Variants in EYA1 observed in about 807,000 individuals in gnomAD.
EYA1 encodes the protein protein phosphatase EYA1.
Under a neutral mutation model 82.0 loss-of-function variants are expected in EYA1, and 16 were observed. The ratio of observed to expected loss-of-function variants is 0.20; its 90% confidence interval spans 0.13 to 0.30. The LOEUF is 0.30. Among genes scored for constraint, EYA1 ranks in the 10% least tolerant of loss-of-function variants. The pLI, the probability that EYA1 is intolerant of heterozygous loss-of-function variation, is 1.00. For missense variants in EYA1, 633 were observed against 730.7 expected (o/e 0.87, Z 1.54); for synonymous variants, 261 against 264.4 (o/e 0.99, Z 0.12).
intron 2 of EYA1, among the ~76,000 whole-genome samples, chr8:71,400,659 G>A (rs1218020462): frequency 6.6e-6 from 1 of 152,164 alleles, no homozygotes; most frequent in Non-Finnish European, 1.5e-5. Flanking sequence ...AGGCTGTGGA[G>A]CAATAGGAAT....
chr8:71,213,353 G>T (rs1458405844), intron 16 of EYA1, among the ~76,000 whole-genome samples: 2 of 152,108 alleles, frequency 1.3e-5, no homozygotes, highest in African/African-American at 2.4e-5. Context: ...TCTGTACTAT[G>T]GGCTGCTTCG....
intron 2 of EYA1, among the ~76,000 whole-genome samples, chr8:71,481,954 T>C (rs1274556952): frequency 2.0e-5 from 3 of 152,186 alleles, no homozygotes; most frequent in African/African-American, 4.8e-5. Flanking sequence ...TTCCATTCTG[T>C]AACTTTTCTG....
At chr8:71,281,943 C>A (rs563890713) in intron 9 of EYA1, among the ~76,000 whole-genome samples, 1 of 152,308 alleles carries the variant, frequency 6.6e-6, no homozygotes, top group East Asian at 1.9e-4. Flanking sequence ...TGGTCCATGA[C>A]CTTGTAGAAT....
intron 12 of EYA1, among the ~76,000 whole-genome samples, chr8:71,241,974 C>T (rs1230147192): frequency 6.6e-6 from 1 of 152,032 alleles, no homozygotes; most frequent in African/African-American, 2.4e-5. Context: ...GGTGGGTGGC[C>T]GAGGCAGGTG....
chr8:71,512,191 T>C (rs1812649873), intron 2 of EYA1, among the ~76,000 whole-genome samples: 1 of 152,214 alleles, frequency 6.6e-6, no homozygotes, highest in African/African-American at 2.4e-5. Flanking sequence ...AATCACTAGC[T>C]TCTCCATAAT....
intron 2 of EYA1, among the ~76,000 whole-genome samples, chr8:71,478,074 T>G (rs891728878): frequency 6.6e-6 from 1 of 152,130 alleles, no homozygotes; most frequent in Non-Finnish European, 1.5e-5. Context: ...GATGATAATA[T>G]TCTAGAATTA....
upstream of EYA1, among the ~76,000 whole-genome samples, chr8:71,365,347 T>G (rs1441203140): frequency 6.6e-6 from 1 of 152,160 alleles, no homozygotes; most frequent in East Asian, 1.9e-4. Context: ...GAAGCATGCA[T>G]GCTATTACCT....
chr8:71,253,998 T>A (rs1013754283), intron 11 of EYA1, among the ~76,000 whole-genome samples: 1 of 152,178 alleles, frequency 6.6e-6, no homozygotes, highest in African/African-American at 2.4e-5. Flanking sequence ...TCAGTCTTTT[T>A]TTCTGGCAGC....
intron 12 of EYA1, among the ~76,000 whole-genome samples, chr8:71,230,604 G>C (rs1811080745): frequency 6.6e-6 from 1 of 152,178 alleles, no homozygotes. Flanking sequence ...AGCTAGGACT[G>C]AACCCAGGTC....
intron 2 of EYA1, among the ~76,000 whole-genome samples, chr8:71,401,982 C>T (rs1178185619): frequency 6.6e-6 from 1 of 152,134 alleles, no homozygotes; most frequent in African/African-American, 2.4e-5. Flanking sequence ...AAGAACTGTC[C>T]AGTCACTGCC....
At chr8:71,222,805 GCTC>G (rs1188377958) in intron 12 of EYA1, among the ~76,000 whole-genome samples, 1 of 152,172 alleles carries the variant, frequency 6.6e-6, no homozygotes, top group Non-Finnish European at 1.5e-5. Flanking sequence ...TTCTTCCCAG[GCTC>G]CTCAATTTCA....
intron 2 of EYA1, among the ~76,000 whole-genome samples, chr8:71,482,608 T>C (rs1166853381): frequency 3.9e-5 from 6 of 152,158 alleles, no homozygotes; most frequent in Admixed American, 2.6e-4. Context: ...GGTAACATAA[T>C]TCATAAAAGT....
chr8:71,361,782 G>GGCGCTTCTGGGAGTGGA lies in EYA1; in HGVS notation c.-207_-191dup, dbSNP rs1827400058. On this transcript the variant is annotated 5_prime_UTR_variant, in exon 1 of 18. The change abolishes the stop of an existing upstream ORF in the 5' untranslated region. Transcript: ENST00000340726. ...CTCTCAGGCGCTCTGGTGCAGCCGC[G>GGCGCTTCTGGGAGTGGA]GCGCTTCTGGGAGTGGAGCGCCTCT... The GGCGCTTCTGGGAGTGGA allele has an allele frequency of 1.0e-6, 1 of 985,336 alleles. No individual in the cohort carries two copies. Among genetic ancestry groups the GGCGCTTCTGGGAGTGGA allele is most frequent in the Non-Finnish European group, 1.2e-6 (1 of 829,952 alleles). The allele number at this position is 985,336 out of a possible 1,614,324, so 61.0% of individuals were successfully genotyped here. A position where few individuals can be genotyped will look rare whatever the true frequency, so the allele number is the denominator to read the frequency against.
At chr8:71,201,476 C>T (rs143220097) in intron 17 of EYA1, among the ~76,000 whole-genome samples, 4 of 152,250 alleles carry the variant, frequency 2.6e-5, no homozygotes, top group Non-Finnish European at 5.9e-5. Context: ...GGCTAAGAGA[C>T]ACCAGAAGAT....
intron 2 of EYA1, among the ~76,000 whole-genome samples, chr8:71,381,162 G>C (rs1169526418): frequency 6.6e-6 from 1 of 152,164 alleles, no homozygotes; most frequent in Non-Finnish European, 1.5e-5. Context: ...TTTTCACTCT[G>C]GCCTGGGGTC....
rs121909199 is a variant in EYA1 at position 71,216,776 on chromosome 8, C to T, written c.1276G>A (p.Gly426Ser). Residue 426 changes from glycine to serine, a missense_variant, in exon 14 of 18, where the codon GGC (glycine) becomes AGC (serine). By Grantham distance (56) the Gly-to-Ser change is moderately conservative. Transcript: ENST00000340726. ...ANLCLATGVR[G>S]GVDWMRKLAF... The stretch of plus-strand genomic sequence containing the variant: ...AACTTTCTCATCCAGTCCACACCGC[C>T]CCGTACACCAGTTGCCAAACATAAG... 66 of 1,614,130 alleles carry T rather than the reference C, an allele frequency of 4.1e-5. No individual in the cohort carries two copies. In the East Asian group the frequency reaches 1.3e-3, roughly 33 times the overall value.
chr8:71,470,943 A>G, intron 2 of EYA1: 1 of 443,672 alleles, frequency 2.3e-6, no homozygotes, highest in Admixed American at 2.5e-5. Context: ...TTTAAAAAAA[A>G]AAGGAAAAAG....
Position 71,269,836 on chromosome 8 carries a change from A to G in EYA1, c.967-13T>C, listed in dbSNP as rs749461885. On this transcript the variant is annotated splice_polypyrimidine_tract_variant and intron_variant, in intron 10 of 17. Coordinates refer to ENST00000340726, the MANE Select transcript of EYA1 (RefSeq NM_000503.6). The stretch of plus-strand genomic sequence containing the variant: ...AGATGAACACTCTCTACAAAGGAAG[A>G]ACCAAATCAATGTGTCTTTGCCTTG... 4.4e-6 allele frequency: 7 copies of G among 1,607,078 alleles called. No homozygotes were observed. The highest frequency in any genetic ancestry group is 6.0e-6 in the Non-Finnish European group (7 of 1,173,646).
chr8:71,457,662 C>CA (rs1808051346), intron 2 of EYA1, among the ~76,000 whole-genome samples: 1 of 152,018 alleles, frequency 6.6e-6, no homozygotes, highest in Non-Finnish European at 1.5e-5. Context: ...ATCACAAGGA[C>CA]AAAAAACCAA....
Sources: allele counts gnomAD v4.1 joint callset (sites outside exome capture counted in the v4.1 genomes callset), GRCh38; gene constraint gnomAD v4.1.1; transcripts MANE v1.5; gene names NCBI Gene and HGNC (gene_info 2026-07-23, HGNC 2026-07-21).